The following NEGR1 variants were observed in gnomAD, a reference collection of about 807,000 sequenced individuals.
NEGR1 encodes the protein IgLON family member 4.
NEGR1 carries 10 observed loss-of-function variants against 40.9 expected under a neutral mutation model. The observed-to-expected ratio is 0.24, with a 90% CI of 0.15 to 0.42. NEGR1 has a LOEUF of 0.42. Ranked by LOEUF, NEGR1 falls within the 10% of genes least tolerant of loss-of-function variation. The pLI is 1.00. For missense variants in NEGR1, 352 were observed against 438.9 expected, an observed-to-expected ratio of 0.80 and a Z score of 1.77; for synonymous variants, 185 against 166.8, an observed-to-expected ratio of 1.11 and a Z score of -0.84.
intron 5 of NEGR1, among the ~76,000 whole-genome samples, chr1:71,598,880 G>C (rs947045246): frequency 5.3e-5 from 8 of 152,094 alleles, no homozygotes; most frequent in Admixed American, 2.0e-4. Context: ...TCAGCTTTAA[G>C]TTTTCATATA....
chr1:71,821,521 A>T (rs1404764816), intron 2 of NEGR1, among the ~76,000 whole-genome samples: 2 of 152,042 alleles, frequency 1.3e-5, no homozygotes, highest in African/African-American at 2.4e-5. Flanking sequence ...ACACAAAAAA[A>T]GTTGAACAAA....
At chr1:71,903,284 T>C (rs1427126746) in intron 2 of NEGR1, among the ~76,000 whole-genome samples, 3 of 151,990 alleles carry the variant, frequency 2.0e-5, no homozygotes, top group Non-Finnish European at 4.4e-5. Flanking sequence ...ATTTAATAAA[T>C]ACATTTTTAC....
chr1:71,606,782 T>C (rs1471085521), intron 5 of NEGR1, among the ~76,000 whole-genome samples: 1 of 152,108 alleles, frequency 6.6e-6, no homozygotes, highest in Non-Finnish European at 1.5e-5. Flanking sequence ...GTATATTTCT[T>C]TCTTTTCTTT....
At chr1:72,007,623 C>A (rs534241747) in intron 1 of NEGR1, among the ~76,000 whole-genome samples, 1 of 151,802 alleles carries the variant, frequency 6.6e-6, no homozygotes, top group East Asian at 1.9e-4. Flanking sequence ...AAAGAGAAAG[C>A]CAGAATTAAA....
chr1:71,770,503 A>G (rs1336783898), intron 3 of NEGR1, among the ~76,000 whole-genome samples: 1 of 152,178 alleles, frequency 6.6e-6, no homozygotes, highest in Non-Finnish European at 1.5e-5. Context: ...AATGATTCTA[A>G]CTCCAATTGT....
At chr1:71,467,155 T>C (rs922465806) in intron 6 of NEGR1, among the ~76,000 whole-genome samples, 6 of 152,092 alleles carry the variant, frequency 3.9e-5, no homozygotes, top group African/African-American at 9.7e-5. Flanking sequence ...TCAGAAGTCA[T>C]GCATTTTGGC....
At chr1:71,517,664 C>T (rs1297896852) in intron 6 of NEGR1, among the ~76,000 whole-genome samples, 1 of 139,964 alleles carries the variant, frequency 7.1e-6, no homozygotes, top group African/African-American at 2.8e-5. Context: ...TGAAAACTGG[C>T]ACAAGACAAG....
intron 6 of NEGR1, among the ~76,000 whole-genome samples, chr1:71,524,661 A>G (rs920171261): frequency 3.3e-5 from 5 of 151,668 alleles, no homozygotes; most frequent in Non-Finnish European, 7.4e-5. Context: ...CTAATTCCCG[A>G]AACCTGGGAA....
intron 4 of NEGR1, among the ~76,000 whole-genome samples, chr1:71,627,686 GGA>G (rs1376472183): frequency 6.6e-6 from 1 of 152,018 alleles, no homozygotes; most frequent in Non-Finnish European, 1.5e-5. Context: ...TGGAAGCGAA[GGA>G]GAGTCAGTAT....
intron 4 of NEGR1, among the ~76,000 whole-genome samples, chr1:71,611,864 AG>A (rs1367900796): frequency 3.9e-5 from 6 of 152,254 alleles, no homozygotes; most frequent in African/African-American, 1.4e-4. Context: ...AGCTGGAAAA[AG>A]TTTCCCCGCC....
intron 6 of NEGR1, among the ~76,000 whole-genome samples, chr1:71,570,022 A>G (rs773629630): frequency 6.6e-6 from 1 of 152,172 alleles, no homozygotes; most frequent in South Asian, 2.1e-4. Flanking sequence ...ACTGTCATCT[A>G]TGTACTTAAT....
At chr1:71,736,021 C>T (rs912543774) in intron 3 of NEGR1, among the ~76,000 whole-genome samples, 1 of 152,046 alleles carries the variant, frequency 6.6e-6, no homozygotes, top group South Asian at 2.1e-4. Flanking sequence ...CCTGATAATA[C>T]ACTTCACAAC....
chr1:71,675,999 G>A (rs1474534428), intron 4 of NEGR1, among the ~76,000 whole-genome samples: 1 of 151,966 alleles, frequency 6.6e-6, no homozygotes, highest in African/African-American at 2.4e-5. Flanking sequence ...CTAAACAGGT[G>A]TTTGACTTCC....
intron 1 of NEGR1, among the ~76,000 whole-genome samples, chr1:72,155,593 TC>T (rs2100363652): frequency 6.6e-6 from 1 of 152,200 alleles, no homozygotes; most frequent in African/African-American, 2.4e-5. Flanking sequence ...ATCTTCATTG[TC>T]CTATGATATA....
rs528370358 is a variant in NEGR1 at position 72,166,707 on chromosome 1, A to G, written c.176+115612T>C. ...ATCTCACTTATGTTGAACTTATAAG[A>G]GTTGTTCTCATAAAAGCAGAGAGTA... is the stretch of plus-strand genomic sequence containing the variant. On this transcript the variant is annotated intron_variant, in intron 1 of 6. Transcript: ENST00000357731. Among the ~76,000 whole-genome samples the G allele has an allele frequency of 1.1e-4, 17 of 152,164 alleles. No individual in the cohort carries two copies. In the South Asian group the frequency reaches 3.5e-3, roughly 32 times the overall value.
At chr1:72,114,783 T>C (rs1557533768) in intron 1 of NEGR1, among the ~76,000 whole-genome samples, 1 of 151,770 alleles carries the variant, frequency 6.6e-6, no homozygotes, top group South Asian at 2.1e-4. Flanking sequence ...ATCTAATTGA[T>C]TCCATTTCCT....
At chr1:72,224,325 T>C (rs1654106146) in intron 1 of NEGR1, among the ~76,000 whole-genome samples, 1 of 146,144 alleles carries the variant, frequency 6.8e-6, no homozygotes, top group African/African-American at 2.5e-5. Flanking sequence ...TTTTTTTTTT[T>C]CTAATGCATG....
intron 1 of NEGR1, among the ~76,000 whole-genome samples, chr1:72,243,037 C>G (rs371816809): frequency 2.0e-5 from 3 of 151,538 alleles, no homozygotes; most frequent in Non-Finnish European, 4.4e-5. Flanking sequence ...TAAATAAAAT[C>G]TGCTATCATT....
At chr1:71,496,656 A>C (rs1646965856) in intron 6 of NEGR1, among the ~76,000 whole-genome samples, 1 of 151,936 alleles carries the variant, frequency 6.6e-6, no homozygotes, top group Admixed American at 6.6e-5. Flanking sequence ...GGCATCCTGG[A>C]GGGCCCTGAA....
Sources: allele counts gnomAD v4.1 joint callset (sites outside exome capture counted in the v4.1 genomes callset), GRCh38; gene constraint gnomAD v4.1.1; transcripts MANE v1.5; gene names NCBI Gene and HGNC (gene_info 2026-07-23, HGNC 2026-07-21).